The following PRSS12 variants were observed in gnomAD, a reference collection of about 807,000 sequenced individuals.
PRSS12 encodes the protein serine protease 12.
PRSS12 carries 85 observed loss-of-function variants against 104.4 expected under a neutral mutation model. The observed-to-expected ratio is 0.81, with a 90% confidence interval of 0.68 to 0.98. The LOEUF is 0.98. Ranked by LOEUF, PRSS12 falls within the 50% of genes least tolerant of loss-of-function variation. The pLI is 0.00. For missense variants in PRSS12, 1,141 were observed against 1,139.2 expected, an observed-to-expected ratio of 1.00 and a Z score of -0.02; for synonymous variants, 454 against 425.2, an observed-to-expected ratio of 1.07 and a Z score of -0.83.
chr4:118,316,593 AG>A (rs201026243), intron 5 of PRSS12, among the ~76,000 whole-genome samples: 18,056 of 151,936 alleles, frequency 0.12, 1,364 homozygotes, highest in South Asian at 0.2. Context: ...AGGCTGAGGC[AG>A]GTGGATCACC....
chr4:118,307,144 C>T (rs1230932914), intron 8 of PRSS12, among the ~76,000 whole-genome samples: 1 of 152,074 alleles, frequency 6.6e-6, no homozygotes, highest in Non-Finnish European at 1.5e-5. Flanking sequence ...TGACCAAATT[C>T]ACTTTCACAT....
chr4:118,326,070 T>C (rs1478127416), intron 4 of PRSS12, among the ~76,000 whole-genome samples: 1 of 152,232 alleles, frequency 6.6e-6, no homozygotes, highest in African/African-American at 2.4e-5. Context: ...TGGCACCATC[T>C]GATTAACTCA....
In PRSS12 at chr4:118,294,959, T is replaced by C. The variant is rs887056461; in HGVS notation, c.2019A>G (p.Thr673=). 1.2e-6 allele frequency: 2 copies of C among 1,614,008 alleles called. No individual in the cohort carries two copies. Among genetic ancestry groups the C allele is most frequent in the African/African-American group, 1.3e-5 (1 of 74,912 alleles). Residue 673 remains threonine (T), a synonymous_variant, in exon 11 of 13, where the codon ACA becomes ACG. Transcript: ENST00000296498. ...ATLLSSCWVL[T]AAHCFKRYGN... is the part of the protein sequence containing the mutation. The stretch of plus-strand genomic sequence containing the variant: ...CATACCTCTTGAAACAGTGTGCTGC[T>C]GTGAGGACCCAGCAGCTACTCAGGA...
chr4:118,298,699 C>T (rs769367735), intron 9 of PRSS12, 34 bp downstream of exon 9: 7 of 1,592,072 alleles, frequency 4.4e-6, no homozygotes. Flanking sequence ...ATTAGTATTC[C>T]TTGACTTGTT....
At chr4:118,345,313 T>C (rs1488301085) in intron 1 of PRSS12, among the ~76,000 whole-genome samples, 2 of 152,156 alleles carry the variant, frequency 1.3e-5, no homozygotes, top group Admixed American at 1.3e-4. Context: ...TTTATTAATA[T>C]TGTTGCACTG....
intron 11 of PRSS12, among the ~76,000 whole-genome samples, chr4:118,283,466 G>T (rs1038091606): frequency 2.1e-4 from 32 of 152,162 alleles, no homozygotes; most frequent in African/African-American, 7.5e-4. Context: ...TCCAAGAATT[G>T]TTAGTTTGTC....
chr4:118,317,345 A>G lies in PRSS12; in HGVS notation c.1151-1022T>C, dbSNP rs569043807. 1.2e-3 allele frequency among the ~76,000 whole-genome samples: 180 copies of G among 152,336 alleles called. 2 individuals carry two copies. The highest frequency in any genetic ancestry group is 3.9e-3 in the African/African-American group (163 of 41,572). ...GATTTAAAAGCCATTTCCAACCAAA[A>G]TAATCCAAAAACTCTCAATGAAACA... is the stretch of plus-strand genomic sequence containing the variant. On this transcript the variant is annotated intron_variant, in intron 5 of 12. Coordinates refer to ENST00000296498, the MANE Select transcript of PRSS12 (RefSeq NM_003619.4).
chr4:118,337,568 A>G (rs530679804), intron 2 of PRSS12, among the ~76,000 whole-genome samples: 1 of 150,576 alleles, frequency 6.6e-6, no homozygotes, highest in African/African-American at 2.5e-5. Context: ...GGACAGCAGG[A>G]CACTGCCAGA....
At chr4:118,292,026 T>C (rs1417290622) in intron 11 of PRSS12, among the ~76,000 whole-genome samples, 3 of 151,904 alleles carry the variant, frequency 2.0e-5, no homozygotes, top group Admixed American at 6.6e-5. Context: ...CGTATACCTA[T>C]GTAACAAACC....
At chr4:118,347,168 T>C (rs1022064054) in intron 1 of PRSS12, among the ~76,000 whole-genome samples, 1 of 152,196 alleles carries the variant, frequency 6.6e-6, no homozygotes, top group African/African-American at 2.4e-5. Flanking sequence ...AAAAGCAGAT[T>C]GAGCTCAATA....
intron 1 of PRSS12, among the ~76,000 whole-genome samples, chr4:118,338,561 C>G (rs1724118982): frequency 1.3e-5 from 2 of 152,092 alleles, no homozygotes; most frequent in African/African-American, 2.4e-5. Context: ...GGCAAACAGA[C>G]AGTCCTATTA....
rs878982970 is a variant in PRSS12 at position 118,281,922 on chromosome 4, G to A, written c.*14C>T. The A allele has an allele frequency of 8.9e-7, 1 of 1,119,838 alleles. No homozygotes were observed. The highest frequency in any genetic ancestry group is 1.5e-5 in the African/African-American group (1 of 65,494). The allele number at this position is 1,119,838 out of a possible 1,614,324, so 69.4% of individuals were successfully genotyped here. On this transcript the variant is annotated 3_prime_UTR_variant, in exon 13 of 13. Transcript: ENST00000296498. ...CCATTTGTTTAAATGCTGCTTTGAA[G>A]TTTCCATGAAGAATTACAGTTTGGT...
chr4:118,295,090 G>T (rs376037431), intron 10 of PRSS12, 29 bp from the exon 11 acceptor site: 2 of 1,611,868 alleles, frequency 1.2e-6, no homozygotes, highest in Middle Eastern at 3.3e-4. Flanking sequence ...ACACATCAAC[G>T]TCAGTAAAAG....
rs1578917937 is a variant in PRSS12, at chr4:118,313,272, T to C, written c.1418A>G (p.His473Arg). The change falls in exon 7 of 13, where the codon CAT (histidine) becomes CGT (arginine). Residue 473 changes from histidine to arginine, a missense_variant. Coordinates refer to ENST00000296498, the MANE Select transcript of PRSS12 (RefSeq NM_003619.4). ...LQCSRRQWGR[H>R]DCSHREDVSI... ...AACATCTTCGCGGTGGCTGCAGTCA[T>C]GCCTTCCCCACTGTCGCCTGGAACA... 6.2e-7 allele frequency: 1 copy of C among 1,614,126 alleles called. No homozygotes were observed. The highest frequency in any genetic ancestry group is 8.5e-7 in the Non-Finnish European group (1 of 1,180,002).
intron 9 of PRSS12, 40 bp downstream of exon 9, chr4:118,298,693 G>A (rs1034494273): frequency 1.9e-6 from 3 of 1,554,994 alleles, no homozygotes; most frequent in Non-Finnish European, 2.7e-6. Flanking sequence ...ATGGGAATTA[G>A]TATTCCTTGA....
rs11929737 is a variant in PRSS12, at chr4:118,302,197, A to G, written c.1632-3259T>C. 7.1e-3 allele frequency among the ~76,000 whole-genome samples: 1,082 copies of G among 152,294 alleles called. 17 individuals are homozygous for G. The highest frequency in any genetic ancestry group is 0.024 in the African/African-American group (993 of 41,560). Reference sequence around the variant, plus strand: ...ATGTCTCAGTTTGAATCACTCTTACATTCCTACAACAGACTCCACTTACTG... The same window carrying G: ...ATGTCTCAGTTTGAATCACTCTTACGTTCCTACAACAGACTCCACTTACTG... On this transcript the variant is annotated intron_variant, in intron 8 of 12. Transcript: ENST00000296498.
rs747833223 is a variant in PRSS12 at position 118,281,928 on chromosome 4, A to G, written c.*8T>C. 6.0e-6 allele frequency: 7 copies of G among 1,159,092 alleles called. No individual in the cohort carries two copies. Among genetic ancestry groups the G allele is most frequent in the Non-Finnish European group, 9.2e-6 (7 of 764,004 alleles). 71.8% of individuals were successfully genotyped at this position (1,159,092 alleles called of 1,614,324 possible). On this transcript the variant is annotated 3_prime_UTR_variant, in exon 13 of 13. Transcript: ENST00000296498. ...GTTTAAATGCTGCTTTGAAGTTTCC[A>G]TGAAGAATTACAGTTTGGTGACACT...
intron 7 of PRSS12, among the ~76,000 whole-genome samples, chr4:118,311,543 G>A (rs1743728224): frequency 6.6e-6 from 1 of 152,080 alleles, no homozygotes; most frequent in South Asian, 2.1e-4. Flanking sequence ...GTTTTTAATA[G>A]GTGGAAGTAA....
At chr4:118,351,519 T>C (rs76162901) in intron 1 of PRSS12, among the ~76,000 whole-genome samples, 13 of 152,326 alleles carry the variant, frequency 8.5e-5, no homozygotes, top group South Asian at 4.2e-4. Flanking sequence ...TGATAAAACA[T>C]ATAAAGCTAA....
Sources: gnomAD v4.1 joint callset for allele counts (sites outside exome capture counted in the v4.1 genomes callset) on GRCh38, gnomAD v4.1.1 for gene constraint, MANE v1.5 for transcripts, NCBI Gene and HGNC (gene_info 2026-07-23, HGNC 2026-07-21) for gene names.